ADGRL3: variants seen among roughly 807,000 people sequenced by gnomAD.
ADGRL3 encodes the protein calcium-independent alpha-latrotoxin receptor 3.
A neutral mutation model predicts 153.5 loss-of-function variants in ADGRL3; 62 were observed. The observed-to-expected ratio is 0.40, with a 90% confidence interval of 0.33 to 0.50. The LOEUF (loss-of-function observed/expected upper bound fraction) is 0.50. ADGRL3 is among the 20% of genes least tolerant of loss of function. ADGRL3 has a pLI of 0.47. For missense variants in ADGRL3, 1,641 were observed against 1,859.4 expected (o/e 0.88, Z 2.16); for synonymous variants, 710 against 672.5 (o/e 1.06, Z -0.86).
At chr4:61,644,161 C>T (rs1314297539) in intron 5 of ADGRL3, among the ~76,000 whole-genome samples, 13 of 137,832 alleles carry the variant, frequency 9.4e-5, no homozygotes, top group Non-Finnish European at 1.7e-4. Flanking sequence ...TTTATTGTGT[C>T]TATTTGATTC....
At chr4:61,559,399 A>G (rs936328585) in intron 4 of ADGRL3, among the ~76,000 whole-genome samples, 1 of 152,098 alleles carries the variant, frequency 6.6e-6, no homozygotes, top group Non-Finnish European at 1.5e-5. Flanking sequence ...TTGCCAGTCT[A>G]AGCTGCTTTT....
At chr4:61,954,602 C>T (rs1033773465) in intron 17 of ADGRL3, among the ~76,000 whole-genome samples, 1 of 152,040 alleles carries the variant, frequency 6.6e-6, no homozygotes, top group Admixed American at 6.6e-5. Flanking sequence ...CATCTCTCGA[C>T]ATCCTCTCCT....
At chr4:61,538,170 TC>T (rs1236637090) in intron 4 of ADGRL3, among the ~76,000 whole-genome samples, 8 of 152,224 alleles carry the variant, frequency 5.3e-5, no homozygotes, top group Non-Finnish European at 1.0e-4. Flanking sequence ...AAAACTTTTT[TC>T]CCCTTGAGGT....
chr4:61,604,856 C>T (rs1411519529), intron 5 of ADGRL3, among the ~76,000 whole-genome samples: 1 of 151,806 alleles, frequency 6.6e-6, no homozygotes, highest in Admixed American at 6.6e-5. Context: ...TTTGGGAGGC[C>T]GAGGTAGATG....
intron 21 of ADGRL3, among the ~76,000 whole-genome samples, chr4:62,008,620 T>C (rs2099169895): frequency 6.6e-6 from 1 of 151,720 alleles, no homozygotes; most frequent in Non-Finnish European, 1.5e-5. Context: ...ATGAAGTTGT[T>C]TTAATCTTCT....
chr4:61,753,173 C>T (rs2096777665), intron 8 of ADGRL3, among the ~76,000 whole-genome samples: 1 of 151,300 alleles, frequency 6.6e-6, no homozygotes, highest in South Asian at 2.1e-4. Context: ...GCTCCCCTCC[C>T]CGAACTCCTC....
At chr4:61,397,728 A>T (rs1285916927) in intron 2 of ADGRL3, among the ~76,000 whole-genome samples, 1 of 151,998 alleles carries the variant, frequency 6.6e-6, no homozygotes, top group Admixed American at 6.6e-5. Context: ...TATAAAAAAA[A>T]TTGTCAGTAT....
At chr4:61,599,301 G>A (rs2099001325) in intron 5 of ADGRL3, among the ~76,000 whole-genome samples, 1 of 152,072 alleles carries the variant, frequency 6.6e-6, no homozygotes, top group Admixed American at 6.5e-5. Flanking sequence ...CTCTGGAATG[G>A]GAGTTTTATC....
intron 21 of ADGRL3, among the ~76,000 whole-genome samples, chr4:62,004,259 A>G (rs1456045687): frequency 3.3e-5 from 5 of 151,998 alleles, no homozygotes; most frequent in Admixed American, 3.3e-4. Flanking sequence ...CTTAATGTTA[A>G]TAATAAATAT....
intron 10 of ADGRL3, among the ~76,000 whole-genome samples, chr4:61,893,995 G>A (rs1395917761): frequency 6.6e-6 from 1 of 152,062 alleles, no homozygotes; most frequent in East Asian, 1.9e-4. Flanking sequence ...ACAGGCATAA[G>A]CCACTGCGCC....
At chr4:61,667,731 T>G (rs1371388371) in intron 5 of ADGRL3, among the ~76,000 whole-genome samples, 1 of 152,208 alleles carries the variant, frequency 6.6e-6, no homozygotes, top group Admixed American at 6.5e-5. Flanking sequence ...GCTGAGAATT[T>G]CATTGTGATA....
chr4:61,334,565 T>C (rs2095639360), intron 1 of ADGRL3, among the ~76,000 whole-genome samples: 1 of 152,152 alleles, frequency 6.6e-6, no homozygotes, highest in Non-Finnish European at 1.5e-5. Flanking sequence ...TGATATGAAC[T>C]GTGATCAGTT....
intron 5 of ADGRL3, among the ~76,000 whole-genome samples, chr4:61,597,374 A>T (rs1305990274): frequency 4.6e-5 from 7 of 152,120 alleles, no homozygotes; most frequent in Admixed American, 1.3e-4. Context: ...AACTAAAGGG[A>T]ACTTTTCACT....
At chr4:61,412,422 T>G (rs1015804548) in intron 2 of ADGRL3, among the ~76,000 whole-genome samples, 2 of 152,112 alleles carry the variant, frequency 1.3e-5, no homozygotes, top group African/African-American at 4.8e-5. Context: ...ATACTACAGT[T>G]TCAATTCAGT....
chr4:61,757,272 C>G (rs1308613391), intron 8 of ADGRL3, among the ~76,000 whole-genome samples: 1 of 152,076 alleles, frequency 6.6e-6, no homozygotes, highest in Non-Finnish European at 1.5e-5. Context: ...GGTTGGTAAG[C>G]TATTAATTAT....
At chr4:61,386,072 G>A (rs1274579292) in intron 2 of ADGRL3, among the ~76,000 whole-genome samples, 4 of 152,094 alleles carry the variant, frequency 2.6e-5, no homozygotes, top group Admixed American at 6.6e-5. Context: ...TACTGTACTC[G>A]TGTTGCATGT....
intron 7 of ADGRL3, among the ~76,000 whole-genome samples, chr4:61,731,162 G>T (rs1159865950): frequency 2.6e-5 from 4 of 151,878 alleles, no homozygotes; most frequent in Admixed American, 2.6e-4. Context: ...TATTATTATG[G>T]ATTGTATATT....
At position 61,252,296 on chromosome 4, in the gene ADGRL3, T is replaced by C. The variant is rs181835136; in HGVS notation, c.-240+50531T>C. 2.4e-3 allele frequency among the ~76,000 whole-genome samples: 367 copies of C among 152,314 alleles called. 2 individuals carry two copies. Among genetic ancestry groups the C allele is most frequent in the Non-Finnish European group, 3.7e-3 (249 of 68,034 alleles). On this transcript the variant is annotated intron_variant, in intron 1 of 26. Coordinates refer to ENST00000683033, the MANE Select transcript of ADGRL3 (RefSeq NM_001387552.1). ...AAATAAAAACATGTCTGTAAACCCC[T>C]TTTAAAAGCTATAAGGAACAACAGG...
intron 9 of ADGRL3, among the ~76,000 whole-genome samples, chr4:61,828,574 A>G (rs893456708): frequency 9.2e-5 from 14 of 152,156 alleles, no homozygotes; most frequent in Admixed American, 3.9e-4. Flanking sequence ...CCTCCTCGCA[A>G]AAATCTGCAA....
Sources: allele counts gnomAD v4.1 joint callset (sites outside exome capture counted in the v4.1 genomes callset), GRCh38; gene constraint gnomAD v4.1.1; transcripts MANE v1.5; gene names NCBI Gene and HGNC (gene_info 2026-07-23, HGNC 2026-07-21).